Variants in CARMIL1 observed in about 807,000 individuals in gnomAD.
CARMIL1 encodes capping protein regulator and myosin 1 linker 1, also known as F-actin-uncapping protein LRRC16A.
CARMIL1 carries 90 observed loss-of-function variants against 177.1 expected under a neutral mutation model. The ratio of observed to expected loss-of-function variants is 0.51; its 90% CI spans 0.43 to 0.61. The LOEUF (loss-of-function observed/expected upper bound fraction) is 0.61, where lower values mean the gene tolerates loss of function less well. Ranked by LOEUF, CARMIL1 falls within the 20% of genes least tolerant of loss-of-function variation. CARMIL1 has a pLI of 0.00. For synonymous variants in CARMIL1, 577 were observed against 606.2 expected (o/e 0.95, Z 0.71); for missense variants, 1,380 against 1,667.0 (o/e 0.83, Z 3.00).
intron 26 of CARMIL1, among the ~76,000 whole-genome samples, 184 bp from the exon 27 acceptor site, chr6:25,550,726 C>G (rs1356941788): frequency 6.6e-6 from 1 of 152,130 alleles, no homozygotes; most frequent in East Asian, 1.9e-4. Context: ...TACCAGAGAT[C>G]AATGATCATC....
intron 4 of CARMIL1, among the ~76,000 whole-genome samples, chr6:25,430,623 G>T (rs866941944): frequency 1.3e-5 from 2 of 151,794 alleles, no homozygotes; most frequent in Non-Finnish European, 2.9e-5. Context: ...TAGAGACAGG[G>T]TTTCTCTGCA....
intron 2 of CARMIL1, among the ~76,000 whole-genome samples, chr6:25,368,691 C>T (rs1325550223): frequency 6.6e-6 from 1 of 152,182 alleles, no homozygotes; most frequent in Non-Finnish European, 1.5e-5. Context: ...GTACTCTTTA[C>T]TCTGGAGTCC....
chr6:25,596,655 A>C (rs1362434120), intron 32 of CARMIL1, among the ~76,000 whole-genome samples: 1 of 152,172 alleles, frequency 6.6e-6, no homozygotes, highest in Non-Finnish European at 1.5e-5. Flanking sequence ...TGTGACCAGA[A>C]GTGTTTCAAT....
At chr6:25,447,804 G>T (rs190015086) in intron 5 of CARMIL1, among the ~76,000 whole-genome samples, 34 of 152,082 alleles carry the variant, frequency 2.2e-4, no homozygotes, top group African/African-American at 6.0e-4. Flanking sequence ...CAGACTGGGG[G>T]TGGCTTGGCT....
At chr6:25,358,941 G>C (rs1788904643) in intron 2 of CARMIL1, among the ~76,000 whole-genome samples, 1 of 152,180 alleles carries the variant, frequency 6.6e-6, no homozygotes, top group African/African-American at 2.4e-5. Flanking sequence ...TTTATTATAT[G>C]ATCATTGTGG....
chr6:25,599,702 C>T (rs1701063394), intron 32 of CARMIL1, among the ~76,000 whole-genome samples: 1 of 152,142 alleles, frequency 6.6e-6, no homozygotes, highest in South Asian at 2.1e-4. Flanking sequence ...TGGCCAGACT[C>T]AAGTCGCAAA....
chr6:25,556,920 TTA>T, intron 29 of CARMIL1, 70 bp downstream of exon 29: 2 of 1,122,646 alleles, frequency 1.8e-6, no homozygotes, highest in Non-Finnish European at 2.4e-6. Context: ...TTTTTTTTTT[TTA>T]AATCTCACCT....
intron 2 of CARMIL1, among the ~76,000 whole-genome samples, chr6:25,375,272 TTGGC>T (rs1368410488): frequency 1.3e-5 from 2 of 152,232 alleles, no homozygotes; most frequent in African/African-American, 4.8e-5. Flanking sequence ...TAAAAAATGA[TTGGC>T]TGACAGTTAT....
At chr6:25,281,132 G>A (rs1443696648) in intron 1 of CARMIL1, among the ~76,000 whole-genome samples, 1 of 99,858 alleles carries the variant, frequency 1.0e-5, no homozygotes, top group East Asian at 3.3e-4. Context: ...GCGTGTGCGC[G>A]CGCGCACACA....
chr6:25,604,774 T>C, intron 33 of CARMIL1, 38 bp from the exon 34 acceptor site: 1 of 1,460,734 alleles, frequency 6.8e-7, no homozygotes, highest in Non-Finnish European at 9.4e-7. Context: ...ATTAAATAAA[T>C]GTGCACTTTT....
At position 25,326,675 on chromosome 6, in the gene CARMIL1, T is replaced by G. The variant is rs1443506911; in HGVS notation, c.138+41766T>G. Among the ~76,000 whole-genome samples, 1 of 152,166 alleles carries G rather than the reference T, an allele frequency of 6.6e-6. No homozygotes were observed. The highest frequency in any genetic ancestry group is 2.1e-4 in the South Asian group (1 of 4,828). On this transcript the variant is annotated intron_variant, in intron 2 of 36. Transcript: ENST00000329474. This position sits in a 1 kb window ranked among gnomAD's most constrained non-coding sequence, Gnocchi z 4.2. ...AACAAGTCCTTTGGATGATCTGATATACAGAAAAGTTTGAGAACCACTGGT... is the reference window on the plus strand; with the variant it reads ...AACAAGTCCTTTGGATGATCTGATAGACAGAAAAGTTTGAGAACCACTGGT...
intron 16 of CARMIL1, among the ~76,000 whole-genome samples, chr6:25,498,561 T>C (rs1803971729): frequency 6.6e-6 from 1 of 152,236 alleles, no homozygotes; most frequent in African/African-American, 2.4e-5. Context: ...AAGTAGGAAG[T>C]ATTTTCCTTC....
chr6:25,500,016 G>T (rs561618633), intron 16 of CARMIL1, 150 bp from the exon 17 acceptor site: 6 of 642,826 alleles, frequency 9.3e-6, no homozygotes, highest in Non-Finnish European at 1.6e-5. Context: ...AATGCTGTTG[G>T]CATTTTAAAA....
intron 16 of CARMIL1, among the ~76,000 whole-genome samples, chr6:25,496,047 C>T (rs1364094077): frequency 6.6e-6 from 1 of 152,140 alleles, no homozygotes; most frequent in Non-Finnish European, 1.5e-5. Context: ...AAATTAATGT[C>T]TGCTATTCAT....
At chr6:25,480,729 CTTTTTTTTTT>C (rs1309021528) in intron 11 of CARMIL1, among the ~76,000 whole-genome samples, 1,774 of 112,752 alleles carry the variant, frequency 0.016, 49 homozygotes, top group African/African-American at 0.056. Flanking sequence ...TATTTGTTTC[CTTTTTTTTTT>C]TTTTTTTTTG....
At chr6:25,319,760 G>A (rs1440152905) in intron 2 of CARMIL1, among the ~76,000 whole-genome samples, 1 of 134,608 alleles carries the variant, frequency 7.4e-6, no homozygotes, top group South Asian at 2.4e-4. Flanking sequence ...TCTACATTTG[G>A]TCACTTTTTT....
intron 2 of CARMIL1, among the ~76,000 whole-genome samples, chr6:25,330,973 A>T (rs956845333): frequency 1.3e-5 from 2 of 150,380 alleles, no homozygotes; most frequent in African/African-American, 4.9e-5. Flanking sequence ...CCCAGAAGTG[A>T]ATCATGTTTA....
rs1320080167 is a variant in CARMIL1, at chr6:25,488,583, T to A, written c.1063T>A (p.Ser355Thr). ...GAACGTCCTTCGTGGAGATGACCTCTCAGTAAGTTTTCTTTTCTTTATTCC... is the reference window on the plus strand; with the variant it reads ...GAACGTCCTTCGTGGAGATGACCTCACAGTAAGTTTTCTTTTCTTTATTCC... Reference protein sequence around the residue: ...SGNVLRGDDLSHMYNFLAQPN... With the variant: ...SGNVLRGDDLTHMYNFLAQPN... The change falls in exon 13 of 37, where the codon TCA (serine) becomes ACA (threonine). Residue 355 changes from serine to threonine, a missense_variant and splice_region_variant. Transcript: ENST00000329474. The A allele has an allele frequency of 6.2e-7, 1 of 1,610,308 alleles. No individual in the cohort carries two copies. Among genetic ancestry groups the A allele is most frequent in the African/African-American group, 1.3e-5 (1 of 74,992 alleles).
chr6:25,373,282 T>C (rs60931481), intron 2 of CARMIL1, among the ~76,000 whole-genome samples: 1 of 151,990 alleles, frequency 6.6e-6, no homozygotes, highest in Non-Finnish European at 1.5e-5. Context: ...ATAGAATAAG[T>C]TATAGAGGAT....
Sources: gnomAD v4.1 joint callset for allele counts (sites outside exome capture counted in the v4.1 genomes callset) on GRCh38, gnomAD v4.1.1 for gene constraint, Gnocchi (gnomAD v3.1) non-coding constraint, MANE v1.5 for transcripts, NCBI Gene and HGNC (gene_info 2026-07-23, HGNC 2026-07-21) for gene names.